Variants in BFAR observed in about 807,000 individuals in gnomAD.
BFAR encodes the protein bifunctional apoptosis regulator.
A neutral mutation model predicts 54.4 loss-of-function variants in BFAR; 52 were observed. The observed-to-expected ratio is 0.96, with a 90% CI of 0.77 to 1.21. The LOEUF (loss-of-function observed/expected upper bound fraction) is 1.21. Among genes scored for constraint, BFAR ranks in the 50% most tolerant of loss-of-function variants. The pLI, the probability that BFAR is intolerant of heterozygous loss-of-function variation, is 0.00. For missense variants in BFAR, 571 were observed against 534.0 expected, an observed-to-expected ratio of 1.07 and a Z score of -0.68; for synonymous variants, 215 against 204.3, an observed-to-expected ratio of 1.05 and a Z score of -0.45.
chr16:14,646,194 C>T (rs747206482), intron 2 of BFAR, among the ~76,000 whole-genome samples: 1 of 152,164 alleles, frequency 6.6e-6, no homozygotes, highest in Admixed American at 6.6e-5. Context: ...GCTGGGATTA[C>T]AGGCAACTGC....
intron 5 of BFAR, among the ~76,000 whole-genome samples, chr16:14,656,255 G>A (rs745404225): frequency 2.6e-5 from 4 of 152,020 alleles, no homozygotes; most frequent in African/African-American, 4.8e-5. Context: ...GGCTGGGCAT[G>A]GTGGTTCACA....
intron 7 of BFAR, 199 bp downstream of exon 7, chr16:14,665,270 G>T: frequency 3.0e-4 from 133 of 440,070 alleles, no homozygotes; most frequent in East Asian, 5.1e-4. Context: ...GGTGCTCATT[G>T]TTAAAAGTAT....
intron 1 of BFAR, chr16:14,633,364 T>C (rs902620755): frequency 2.6e-5 from 4 of 152,416 alleles, no homozygotes; most frequent in African/African-American, 9.7e-5. Flanking sequence ...CCAAACACCT[T>C]GGAGGGGAAC....
In BFAR at chr16:14,655,214, A is replaced by G; in HGVS notation, c.783+4A>G. On this transcript the variant is annotated splice_donor_region_variant and intron_variant, in intron 5 of 7. Transcript: ENST00000261658. ...CCAGAATCTCTGGGAATATAAGGTG[A>G]ACACTTTAATTTTTTTTTTTTTTTT... 1 of 1,409,732 alleles carries G rather than the reference A, an allele frequency of 7.1e-7. No individual in the cohort carries two copies. The highest frequency in any genetic ancestry group is 2.6e-5 in the East Asian group (1 of 37,764). The allele number at this position is 1,409,732 out of a possible 1,614,324, so 87.3% of individuals were successfully genotyped here.
At chr16:14,637,622 G>T (rs553628890) in intron 1 of BFAR, among the ~76,000 whole-genome samples, 1 of 152,270 alleles carries the variant, frequency 6.6e-6, no homozygotes, top group Non-Finnish European at 1.5e-5. Context: ...GATCACCTGA[G>T]GTCAGGAGTT....
chr16:14,642,978 C>G (rs1959672407), intron 1 of BFAR, among the ~76,000 whole-genome samples: 1 of 152,074 alleles, frequency 6.6e-6, no homozygotes, highest in Non-Finnish European at 1.5e-5. Flanking sequence ...GAGTTCGAGA[C>G]CAGCCTGGCC....
chr16:14,636,691 G>C (rs376781743), intron 1 of BFAR, among the ~76,000 whole-genome samples: 1 of 152,206 alleles, frequency 6.6e-6, no homozygotes, highest in South Asian at 2.1e-4. Flanking sequence ...ACCCTTTACG[G>C]GTGTCGGGCT....
intron 4 of BFAR, among the ~76,000 whole-genome samples, chr16:14,651,101 G>T (rs573502312): frequency 2.0e-5 from 3 of 152,274 alleles, no homozygotes; most frequent in East Asian, 3.9e-4. Context: ...CTCTAATTCA[G>T]TTCCCACACT....
In BFAR at chr16:14,649,822, C is replaced by G; in HGVS notation, c.487C>G (p.His163Asp). 6.2e-7 allele frequency: 1 copy of G among 1,608,534 alleles called. No homozygotes were observed. The highest frequency in any genetic ancestry group is 8.5e-7 in the Non-Finnish European group (1 of 1,176,588). ...TGVAVVLLVYHWSSRESEHDL... is the reference protein window; with the variant it reads ...TGVAVVLLVYDWSSRESEHDL... The stretch of plus-strand genomic sequence containing the variant: ...TCCCCAGGTGGTCCTGCTCGTCTAT[C>G]ACTGGAGCAGCAGGGAATCTGAACA... The change falls in exon 4 of 8, where the codon CAC becomes GAC. Residue 163 changes from histidine (H) to aspartate (D), a missense_variant. By Grantham distance (81) the His-to-Asp change is moderately conservative (BLOSUM62 -1). Transcript: ENST00000261658.
At chr16:14,640,983 A>G (rs1001747073) in intron 1 of BFAR, among the ~76,000 whole-genome samples, 2 of 152,198 alleles carry the variant, frequency 1.3e-5, no homozygotes, top group Non-Finnish European at 2.9e-5. Flanking sequence ...TGCCTATGGG[A>G]ACTCCTGAGG....
intron 4 of BFAR, among the ~76,000 whole-genome samples, chr16:14,653,469 A>C (rs1369514233): frequency 6.6e-6 from 1 of 152,112 alleles, no homozygotes; most frequent in Admixed American, 6.6e-5. Context: ...CTGGGATTAC[A>C]GGCACACGCC....
intron 3 of BFAR, among the ~76,000 whole-genome samples, 183 bp from the exon 4 acceptor site, chr16:14,649,621 G>A (rs1262827990): frequency 6.6e-6 from 1 of 152,136 alleles, no homozygotes; most frequent in Non-Finnish European, 1.5e-5. Context: ...CCCGAGGAGA[G>A]CTGTGGTCCC....
Position 14,635,880 on chromosome 16 carries a change from T to C in BFAR, c.-74+2862T>C, listed in dbSNP as rs550079850. On this transcript the variant is annotated intron_variant, in intron 1 of 7. Coordinates refer to ENST00000261658, the MANE Select transcript of BFAR (RefSeq NM_016561.3). ...CTCCTGACCTCTTGATCCACCCGCC[T>C]CGGCCTCCCAAAGTGGTGGGATTAC... Among the ~76,000 whole-genome samples the C allele has an allele frequency of 3.4e-4, 51 of 152,222 alleles. No individual in the cohort carries two copies. In the Middle Eastern group the frequency reaches 0.014, roughly 41 times the overall value.
intron 1 of BFAR, among the ~76,000 whole-genome samples, chr16:14,634,990 G>A (rs568482552): frequency 2.0e-4 from 31 of 152,300 alleles, no homozygotes; most frequent in Admixed American, 7.2e-4. Flanking sequence ...TTTTGACCCA[G>A]CGATGTTGTG....
In BFAR at chr16:14,644,301, A is replaced by G; in HGVS notation, c.-46A>G. 2 of 1,558,864 alleles carry G rather than the reference A, an allele frequency of 1.3e-6. No individual in the cohort carries two copies. Among genetic ancestry groups the G allele is most frequent in the African/African-American group, 1.4e-5 (1 of 72,326 alleles). ...TAATGATGTTTTGCAGCAGTTTTCT[A>G]CGTCTGAAATTTTTTATGTCTCTGG... On this transcript the variant is annotated 5_prime_UTR_variant, in exon 2 of 8. Transcript: ENST00000261658.
intron 3 of BFAR, among the ~76,000 whole-genome samples, chr16:14,649,069 T>C (rs1247539239): frequency 6.9e-6 from 1 of 145,324 alleles, no homozygotes; most frequent in Admixed American, 6.8e-5. Context: ...CATCTCTTGC[T>C]CTTTTTTTTT....
chr16:14,633,478 GTCGAGGCACGTT>G (rs1175526304), intron 1 of BFAR: 1 of 152,258 alleles, frequency 6.6e-6, no homozygotes, highest in Non-Finnish European at 1.5e-5. Flanking sequence ...CGGTCTAATT[GTCGAGGCACGTT>G]CCTGGCCTAA....
chr16:14,637,172 A>G (rs1250081919), intron 1 of BFAR, among the ~76,000 whole-genome samples: 2 of 141,606 alleles, frequency 1.4e-5, no homozygotes, highest in African/African-American at 2.7e-5. Flanking sequence ...AACAGCTACC[A>G]GCTAGAGTTC....
At position 14,664,957 on chromosome 16, in the gene BFAR, G is replaced by A; in HGVS notation, c.1046G>A (p.Trp349Ter). Residue 349 changes from tryptophan (W) to a stop codon, truncating the protein, a stop_gained, in exon 7 of 8, where the codon TGG (tryptophan) becomes TAG (stop). Coordinates refer to ENST00000261658, the MANE Select transcript of BFAR (RefSeq NM_016561.3). LOFTEE classifies it high-confidence loss of function. ...TACCAGCTGATTGCTGAGTTTGCTT[G>A]GGACTGGTTGGAGGTCCATTACTGG... is the stretch of plus-strand genomic sequence containing the variant. ...LPYQLIAEFAWDWLEVHYWTS... is the reference protein window; with the variant it reads ...LPYQLIAEFA The A allele has an allele frequency of 1.2e-6, 2 of 1,613,952 alleles. No individual in the cohort carries two copies. The highest frequency in any genetic ancestry group is 2.2e-5 in the South Asian group (2 of 91,088).
Sources: allele counts gnomAD v4.1 joint callset (sites outside exome capture counted in the v4.1 genomes callset), GRCh38; gene constraint gnomAD v4.1.1; transcripts MANE v1.5; gene names NCBI Gene and HGNC (gene_info 2026-07-23, HGNC 2026-07-21).